Variants in NTRK2 observed in about 807,000 individuals in gnomAD.
The protein encoded by NTRK2 is BDNF/NT-3 growth factors receptor.
A neutral mutation model predicts 94.5 loss-of-function variants in NTRK2; 13 were observed. That is an observed-to-expected ratio of 0.14 (90% CI 0.09 to 0.22). The LOEUF is 0.22. NTRK2 is among the 10% of genes least tolerant of loss of function. The pLI is 1.00. For synonymous variants in NTRK2, 372 were observed against 407.4 expected (o/e 0.91, Z 1.05); for missense variants, 639 against 1,071.2 (o/e 0.60, Z 5.63).
Position 85,021,909 on chromosome 9 carries a change from A to G in NTRK2, c.*472A>G, listed in dbSNP as rs201735909. 3.7e-6 allele frequency: 1 copy of G among 267,428 alleles called. No homozygotes were observed. The allele number at this position is 267,428 out of a possible 1,614,324, so 16.6% of individuals were successfully genotyped here. ...TGGATGAAAAAAAGGGAAAACAAAT[A>G]TTTCACTTAAACTTTGTCACTTCTG... is the stretch of plus-strand genomic sequence containing the variant. On this transcript the variant is annotated 3_prime_UTR_variant, in exon 19 of 19. Coordinates refer to ENST00000277120, the MANE Select transcript of NTRK2 (RefSeq NM_006180.6).
chr9:84,861,831 G>C (rs955785930), intron 13 of NTRK2, among the ~76,000 whole-genome samples: 1 of 152,136 alleles, frequency 6.6e-6, no homozygotes. Flanking sequence ...GCATCTGTTG[G>C]TTAGTTATTC....
At chr9:84,917,205 AT>A (rs1406706748) in intron 14 of NTRK2, among the ~76,000 whole-genome samples, 1 of 152,216 alleles carries the variant, frequency 6.6e-6, no homozygotes. Context: ...GTACACCATC[AT>A]ACATTATGTA....
intron 17 of NTRK2, among the ~76,000 whole-genome samples, chr9:85,006,888 G>C (rs1007253671): frequency 6.6e-6 from 1 of 152,206 alleles, no homozygotes; most frequent in African/African-American, 2.4e-5. Context: ...GCTCCAAGGG[G>C]TATGTGCCCG....
At chr9:84,786,011 C>G (rs1299133648) in intron 12 of NTRK2, among the ~76,000 whole-genome samples, 2 of 152,160 alleles carry the variant, frequency 1.3e-5, no homozygotes, top group Non-Finnish European at 2.9e-5. Flanking sequence ...ACTGAGAAAT[C>G]CTTTGGCAAC....
chr9:84,824,184 C>T (rs756048899), intron 12 of NTRK2, among the ~76,000 whole-genome samples: 2 of 152,172 alleles, frequency 1.3e-5, no homozygotes, highest in Non-Finnish European at 2.9e-5. Flanking sequence ...AAAATGGGCT[C>T]CAATAGCTCA....
At chr9:84,784,446 G>T (rs1388632040) in intron 12 of NTRK2, among the ~76,000 whole-genome samples, 1 of 152,116 alleles carries the variant, frequency 6.6e-6, no homozygotes, top group Non-Finnish European at 1.5e-5. Context: ...AATGGGAATG[G>T]TACTCTTTCT....
intron 12 of NTRK2, among the ~76,000 whole-genome samples, chr9:84,831,853 G>A (rs2073567820): frequency 6.6e-6 from 1 of 152,202 alleles, no homozygotes. Context: ...TCTTTTCTTA[G>A]TGACTGGAAG....
At position 85,024,004 on chromosome 9, in the gene NTRK2, A is replaced by C. The variant is rs181029546; in HGVS notation, c.*2567A>C. On this transcript the variant is annotated 3_prime_UTR_variant, in exon 19 of 19. Coordinates refer to ENST00000277120, the MANE Select transcript of NTRK2 (RefSeq NM_006180.6). ...GTTTTGTCTTTTTTTTCTCTGAAAG[A>C]AAAAAGCAAAAAATAAAATAAAATT... The C allele has an allele frequency of 1.3e-3, 300 of 228,886 alleles. No homozygotes were observed. The highest frequency in any genetic ancestry group is 2.8e-3 in the Admixed American group (49 of 17,658). The allele number at this position is 228,886 out of a possible 1,614,324, so 14.2% of individuals were successfully genotyped here. A position where few individuals can be genotyped will look rare whatever the true frequency, so the allele number is the denominator to read the frequency against.
At position 85,022,281 on chromosome 9, in the gene NTRK2, A is replaced by G; in HGVS notation, c.*844A>G. 4.3e-6 allele frequency: 1 copy of G among 233,216 alleles called. No homozygotes were observed. The highest frequency in any genetic ancestry group is 8.5e-6 in the Non-Finnish European group (1 of 118,014). The allele number at this position is 233,216 out of a possible 1,614,324, so 14.4% of individuals were successfully genotyped here. A position where few individuals can be genotyped will look rare whatever the true frequency, so the allele number is the denominator to read the frequency against. ...CTGTGCCATGGATGATTCTTTTCCCATCACCAGAAATGATAGCGTGCAGTA... is the reference window on the plus strand; with the variant it reads ...CTGTGCCATGGATGATTCTTTTCCCGTCACCAGAAATGATAGCGTGCAGTA... On this transcript the variant is annotated 3_prime_UTR_variant, in exon 19 of 19. Transcript: ENST00000277120.
intron 12 of NTRK2, among the ~76,000 whole-genome samples, chr9:84,797,847 A>T (rs1423993058): frequency 9.9e-6 from 1 of 101,334 alleles, no homozygotes; most frequent in African/African-American, 3.8e-5. Context: ...TATATATTAT[A>T]TATTATATAT....
chr9:84,841,547 A>G (rs2074184243), intron 12 of NTRK2, among the ~76,000 whole-genome samples: 1 of 152,152 alleles, frequency 6.6e-6, no homozygotes, highest in Admixed American at 6.5e-5. Flanking sequence ...CTCTCCCTAC[A>G]GCATTTGTAT....
At chr9:84,765,944 T>C (rs2065986895) in intron 12 of NTRK2, among the ~76,000 whole-genome samples, 1 of 152,162 alleles carries the variant, frequency 6.6e-6, no homozygotes, top group South Asian at 2.1e-4. Flanking sequence ...AACAATTTCA[T>C]TTCAACTTAA....
intron 17 of NTRK2, among the ~76,000 whole-genome samples, chr9:84,957,573 C>T (rs1824301422): frequency 6.6e-6 from 1 of 152,162 alleles, no homozygotes; most frequent in Non-Finnish European, 1.5e-5. Flanking sequence ...TTCACACCCC[C>T]TGAGATGACT....
At chr9:84,877,823 T>G in intron 14 of NTRK2, 1 of 1,045,822 alleles carries the variant, frequency 9.6e-7, no homozygotes, top group Non-Finnish European at 1.2e-6. Context: ...AATGAGATCT[T>G]TTGTACTGGA....
chr9:84,750,990 T>A (rs2064548702), intron 11 of NTRK2, among the ~76,000 whole-genome samples: 1 of 152,216 alleles, frequency 6.6e-6, no homozygotes, highest in Non-Finnish European at 1.5e-5. Context: ...ACTTGTGTAA[T>A]CCACACCTGG....
At chr9:84,718,986 A>C (rs972091583) in intron 6 of NTRK2, among the ~76,000 whole-genome samples, 1 of 152,162 alleles carries the variant, frequency 6.6e-6, no homozygotes, top group Admixed American at 6.5e-5. Context: ...TCCTTTGGAA[A>C]CTGCGATGAC....
At chr9:84,868,464 A>C (rs2075695874) in intron 14 of NTRK2, among the ~76,000 whole-genome samples, 1 of 152,148 alleles carries the variant, frequency 6.6e-6, no homozygotes, top group Admixed American at 6.5e-5. Flanking sequence ...ATCCCAAGGC[A>C]TGTTTAAGGT....
intron 14 of NTRK2, among the ~76,000 whole-genome samples, chr9:84,917,329 G>A (rs958128161): frequency 6.6e-6 from 1 of 152,072 alleles, no homozygotes; most frequent in African/African-American, 2.4e-5. Context: ...TTTGATGATC[G>A]TTTCTGGGTT....
intron 12 of NTRK2, among the ~76,000 whole-genome samples, chr9:84,784,114 G>A (rs2067888544): frequency 6.6e-6 from 1 of 152,122 alleles, no homozygotes; most frequent in Non-Finnish European, 1.5e-5. Flanking sequence ...ATGGCCTGAG[G>A]GAAAGGCAGA....
Sources: allele counts gnomAD v4.1 joint callset (sites outside exome capture counted in the v4.1 genomes callset), GRCh38; gene constraint gnomAD v4.1.1; transcripts MANE v1.5; gene names NCBI Gene and HGNC (gene_info 2026-07-23, HGNC 2026-07-21).